The following GAS2 variants were observed in gnomAD, a reference collection of about 807,000 sequenced individuals.
The protein encoded by GAS2 is growth arrest specific 2.
A neutral mutation model predicts 37.5 loss-of-function variants in GAS2; 20 were observed. That is an observed-to-expected ratio of 0.53 (90% CI 0.37 to 0.77). GAS2 has a LOEUF of 0.77. Ranked by LOEUF, GAS2 falls within the 30% of genes least tolerant of loss-of-function variation. The probability of loss-of-function intolerance (pLI) is 0.00; values close to 1 mark genes in which losing one functional copy is unlikely to be tolerated. For missense variants in GAS2, 336 were observed against 373.4 expected, an observed-to-expected ratio of 0.90 and a Z score of 0.82; for synonymous variants, 144 against 132.2, an observed-to-expected ratio of 1.09 and a Z score of -0.61.
intron 7 of GAS2, among the ~76,000 whole-genome samples, chr11:22,759,583 A>G (rs1400966197): frequency 6.6e-6 from 1 of 152,180 alleles, no homozygotes; most frequent in Non-Finnish European, 1.5e-5. Context: ...GCTAATTTTT[A>G]TCTATATTGT....
At chr11:22,663,736 G>A (rs1336222881), upstream of GAS2, among the ~76,000 whole-genome samples, 1 of 152,114 alleles carries the variant, frequency 6.6e-6, no homozygotes, top group Non-Finnish European at 1.5e-5. Flanking sequence ...GAATGGTGGT[G>A]AAAAGTAATA....
At position 22,680,583 on chromosome 11, in the gene GAS2, C is replaced by T. The variant is rs11026729; in HGVS notation, c.146-5085C>T. On this transcript the variant is annotated intron_variant, in intron 2 of 7. Transcript: ENST00000454584. ...TCATCTTTAGGGATTAAAAATATACCAACTTTCTTCTTCAGTGAATCATGC... is the reference window on the plus strand; with the variant it reads ...TCATCTTTAGGGATTAAAAATATACTAACTTTCTTCTTCAGTGAATCATGC... Among the ~76,000 whole-genome samples, 23 of 151,972 alleles carry T rather than the reference C, an allele frequency of 1.5e-4. No homozygotes were observed. The East Asian group carries it at 4.4e-3, about 29-fold the overall frequency.
At chr11:22,656,279 A>G (rs1417405378) in intron 1 of GAS2, among the ~76,000 whole-genome samples, 2 of 152,220 alleles carry the variant, frequency 1.3e-5, no homozygotes, top group East Asian at 1.9e-4. Flanking sequence ...TTGCAGCAAC[A>G]TATGTCATTA....
At chr11:22,682,405 A>G (rs1461535421) in intron 2 of GAS2, among the ~76,000 whole-genome samples, 2 of 152,188 alleles carry the variant, frequency 1.3e-5, no homozygotes, top group Non-Finnish European at 2.9e-5. Flanking sequence ...TGAAATAAGA[A>G]TACATAAAGA....
At chr11:22,793,509 C>T (rs1178781462) in intron 7 of GAS2, among the ~76,000 whole-genome samples, 1 of 151,962 alleles carries the variant, frequency 6.6e-6, no homozygotes, top group African/African-American at 2.4e-5. Context: ...CTTTGTGCCC[C>T]AGAGAAAATG....
At chr11:22,756,030 G>A in intron 7 of GAS2, 77 bp downstream of exon 7, 1 of 999,672 alleles carries the variant, frequency 1.0e-6, no homozygotes. Context: ...TGACAGATAA[G>A]AGCAGGAACT....
intron 1 of GAS2, among the ~76,000 whole-genome samples, chr11:22,650,388 T>C (rs1268674034): frequency 6.6e-6 from 1 of 151,850 alleles, no homozygotes. Flanking sequence ...AAAAAATGTA[T>C]ATTCTGTTGA....
intron 1 of GAS2, among the ~76,000 whole-genome samples, chr11:22,636,533 A>G (rs1858824081): frequency 6.6e-6 from 1 of 152,178 alleles, no homozygotes; most frequent in South Asian, 2.1e-4. Flanking sequence ...ATTTTGAGCC[A>G]ATCATGTTAA....
intron 7 of GAS2, among the ~76,000 whole-genome samples, chr11:22,764,170 T>G (rs993077987): frequency 1.3e-5 from 2 of 151,698 alleles, no homozygotes; most frequent in African/African-American, 4.9e-5. Context: ...AGTTATCCTT[T>G]TTTTAAGATT....
chr11:22,739,206 C>G (rs1327822711), intron 5 of GAS2, among the ~76,000 whole-genome samples: 1 of 152,116 alleles, frequency 6.6e-6, no homozygotes, highest in East Asian at 1.9e-4. Context: ...CCCCACCAAC[C>G]TTGGGGCTTC....
intron 3 of GAS2, among the ~76,000 whole-genome samples, chr11:22,714,536 A>G (rs1455489376): frequency 6.6e-6 from 1 of 152,196 alleles, no homozygotes; most frequent in Non-Finnish European, 1.5e-5. Flanking sequence ...CTTCACAGAT[A>G]TTTACAGAAT....
At chr11:22,806,508 T>A (rs980633503) in intron 7 of GAS2, among the ~76,000 whole-genome samples, 9 of 152,208 alleles carry the variant, frequency 5.9e-5, no homozygotes, top group Non-Finnish European at 1.2e-4. Flanking sequence ...TTATTTTTAA[T>A]ATTTTGAGGA....
intron 6 of GAS2, among the ~76,000 whole-genome samples, chr11:22,752,413 CT>C (rs1435485675): frequency 6.6e-6 from 1 of 151,886 alleles, no homozygotes; most frequent in Non-Finnish European, 1.5e-5. Flanking sequence ...CTGAGCTTCA[CT>C]AATGTTTTAA....
At chr11:22,801,423 A>G (rs1019637751) in intron 7 of GAS2, among the ~76,000 whole-genome samples, 9 of 150,744 alleles carry the variant, frequency 6.0e-5, no homozygotes, top group African/African-American at 2.2e-4. Flanking sequence ...GAGCTAAGAA[A>G]CTTGATTGGG....
At chr11:22,689,353 AAGTT>A (rs1369069524) in intron 3 of GAS2, among the ~76,000 whole-genome samples, 1 of 152,194 alleles carries the variant, frequency 6.6e-6, no homozygotes, top group Non-Finnish European at 1.5e-5. Context: ...TCTGAGGTAA[AAGTT>A]GACACAGTTG....
chr11:22,659,574 T>TAC, intron 1 of GAS2, among the ~76,000 whole-genome samples: 1 of 152,222 alleles, frequency 6.6e-6, no homozygotes, highest in Non-Finnish European at 1.5e-5. Flanking sequence ...TTCCTTCTCA[T>TAC]ACTTCTGTGA....
chr11:22,765,550 C>T (rs1013535999), intron 7 of GAS2, among the ~76,000 whole-genome samples: 13 of 152,022 alleles, frequency 8.6e-5, no homozygotes, highest in African/African-American at 2.4e-4. Context: ...GAGGCCAAGG[C>T]GGGCGGCTCA....
chr11:22,652,574 C>G (rs1848794039), intron 1 of GAS2, among the ~76,000 whole-genome samples: 2 of 152,228 alleles, frequency 1.3e-5, no homozygotes, highest in South Asian at 4.1e-4. Flanking sequence ...ATCAGCGAGA[C>G]TCCGTGGGCG....
At chr11:22,703,430 T>C (rs542466809) in intron 3 of GAS2, among the ~76,000 whole-genome samples, 5 of 152,150 alleles carry the variant, frequency 3.3e-5, no homozygotes, top group Non-Finnish European at 7.4e-5. Context: ...TATTTTAAAA[T>C]GAGCTGTTAC....
Sources: gnomAD v4.1 joint callset for allele counts (sites outside exome capture counted in the v4.1 genomes callset) on GRCh38, gnomAD v4.1.1 for gene constraint, MANE v1.5 for transcripts, NCBI Gene and HGNC (gene_info 2026-07-23, HGNC 2026-07-21) for gene names.